DNAH3: variants seen among roughly 807,000 people sequenced by gnomAD.
DNAH3 encodes axonemal beta dynein heavy chain 3.
DNAH3 carries 332 observed loss-of-function variants against 432.5 expected under a neutral mutation model. The ratio of observed to expected loss-of-function variants is 0.77; its 90% CI spans 0.70 to 0.84. The LOEUF is 0.84. DNAH3 is among the 40% of genes least tolerant of loss of function. DNAH3 has a pLI of 0.00. For synonymous variants in DNAH3, 1,956 were observed against 1,900.2 expected (o/e 1.03, Z -0.76); for missense variants, 4,861 against 5,114.0 (o/e 0.95, Z 1.51).
chr16:21,139,069 C>T (rs903706701), intron 5 of DNAH3, among the ~76,000 whole-genome samples: 1 of 152,106 alleles, frequency 6.6e-6, no homozygotes, highest in African/African-American at 2.4e-5. Context: ...ACCCTAAACC[C>T]ACAAGACATT....
chr16:21,139,286 A>C (rs1224325215), intron 5 of DNAH3, among the ~76,000 whole-genome samples: 3 of 146,356 alleles, frequency 2.0e-5, no homozygotes, highest in Non-Finnish European at 4.5e-5. Flanking sequence ...TTCTCAAGAG[A>C]AGTTGGAAAA....
exon 25 of DNAH3, chr16:21,062,521 A>G (rs373122268): frequency 3.5e-5 from 56 of 1,614,108 alleles, no homozygotes; most frequent in Admixed American, 5.0e-5. Context: ...TGAATGGAAC[A>G]GTTTCTTTTT....
chr16:21,141,382 TGGA>T lies in DNAH3; in HGVS notation c.449-13_449-11del. 1 of 1,580,942 alleles carries T rather than the reference TGGA, an allele frequency of 6.3e-7. No individual in the cohort carries two copies. The highest frequency in any genetic ancestry group is 2.3e-5 in the East Asian group (1 of 43,942). On this transcript the variant is annotated splice_polypyrimidine_tract_variant and intron_variant, in intron 3 of 61. Coordinates refer to ENST00000261383, the Ensembl canonical transcript of DNAH3. Reference sequence around the variant, plus strand: ...GATGAGCTTCTATTTCCTGGAAGAATGGAGAAGAAAGACATCAGTGATGGGCAA... The same window carrying T: ...GATGAGCTTCTATTTCCTGGAAGAATGAAGAAAGACATCAGTGATGGGCAA...
At position 20,955,009 on chromosome 16, in the gene DNAH3, G is replaced by A. The variant is rs200313222; in HGVS notation, c.10875C>T (p.Leu3625=). ...CATTGGTCATTTTGATTCCATTCTG[G>A]AGAATGCTGACTGGAAACTTCTCTG... is the stretch of plus-strand genomic sequence containing the variant. The change falls in exon 55 of 62, where the codon CTC becomes CTT. Residue 3625 remains leucine (L), a synonymous_variant. Coordinates refer to ENST00000261383, the Ensembl canonical transcript of DNAH3. 273 of 1,613,860 alleles carry A rather than the reference G, an allele frequency of 1.7e-4. 1 individual carries two copies. The East Asian group carries it at 5.5e-3, about 33-fold the overall frequency.
chr16:21,042,072 C>T, exon 32 of DNAH3: 1 of 1,613,958 alleles, frequency 6.2e-7, no homozygotes, highest in Non-Finnish European at 8.5e-7. Context: ...ACCCGGGGTT[C>T]ATGGTGATGA....
intron 32 of DNAH3, among the ~76,000 whole-genome samples, 165 bp from the exon 33 acceptor site, chr16:21,040,108 G>A (rs546065467): frequency 3.9e-5 from 6 of 152,266 alleles, no homozygotes; most frequent in East Asian, 1.9e-4. Flanking sequence ...GACCATCCTC[G>A]GTGGGCCAAT....
At chr16:21,051,176 T>C (rs1267890479) in intron 29 of DNAH3, among the ~76,000 whole-genome samples, 1 of 152,156 alleles carries the variant, frequency 6.6e-6, no homozygotes, top group African/African-American at 2.4e-5. Flanking sequence ...AAAGAACATC[T>C]AAACATCACA....
chr16:21,113,679 A>C (rs1219840851), intron 12 of DNAH3, among the ~76,000 whole-genome samples: 1 of 152,116 alleles, frequency 6.6e-6, no homozygotes, highest in East Asian at 1.9e-4. Context: ...GGCTGCTCTC[A>C]AATTCCTGGC....
intron 19 of DNAH3, 26 bp downstream of exon 19, chr16:21,086,823 G>C (rs2091390196): frequency 1.2e-6 from 2 of 1,604,852 alleles, no homozygotes; most frequent in African/African-American, 2.7e-5. Flanking sequence ...TGCGCTGCTT[G>C]GGGGCGGGCA....
At chr16:21,024,029 T>C (rs895874494) in intron 39 of DNAH3, among the ~76,000 whole-genome samples, 4 of 152,086 alleles carry the variant, frequency 2.6e-5, no homozygotes, top group African/African-American at 9.7e-5. Flanking sequence ...ACACCGCTAC[T>C]CCCTTCCTGC....
At position 21,113,870 on chromosome 16, in the gene DNAH3, T is replaced by C. The variant is rs574094463; in HGVS notation, c.1815-1772A>G. Among the ~76,000 whole-genome samples, 121 of 152,318 alleles carry C rather than the reference T, an allele frequency of 7.9e-4. No homozygotes were observed. In the South Asian group the frequency reaches 0.024, roughly 31 times the overall value. Reference sequence around the variant, plus strand: ...AATTAATGCTGTGCCTGACATACAATGAATGTGCTACAAATATTACGATAG... The same window carrying C: ...AATTAATGCTGTGCCTGACATACAACGAATGTGCTACAAATATTACGATAG... On this transcript the variant is annotated intron_variant, in intron 12 of 61. Transcript: ENST00000261383.
chr16:20,984,838 C>A (rs1307901422), intron 48 of DNAH3, among the ~76,000 whole-genome samples: 1 of 151,860 alleles, frequency 6.6e-6, no homozygotes, highest in African/African-American at 2.4e-5. Context: ...GCACTCCAGC[C>A]TGGGCAACAG....
At chr16:20,956,168 T>C (rs1319807119) in intron 54 of DNAH3, among the ~76,000 whole-genome samples, 2 of 152,102 alleles carry the variant, frequency 1.3e-5, no homozygotes, top group African/African-American at 4.8e-5. Flanking sequence ...CCTCAGGTGA[T>C]CCACCCACCT....
chr16:21,014,685 A>AT (rs58758970), intron 41 of DNAH3, among the ~76,000 whole-genome samples: 5 of 152,194 alleles, frequency 3.3e-5, no homozygotes, highest in African/African-American at 1.2e-4. Context: ...TATGTAAAAA[A>AT]TCCCAAAGAA....
rs1454658763 is a variant in DNAH3, at chr16:21,140,665, C to T, written c.567G>A (p.Lys189=). The T allele has an allele frequency of 2.5e-6, 4 of 1,614,088 alleles. 1 individual carries two copies. The highest frequency in any genetic ancestry group is 3.3e-4 in the Middle Eastern group (2 of 6,062). ...GGAACGTCAAAGATGTCTTTACCTC[C>T]TTCTTCATGGGTGAGAAGATTGACG... Residue 189 remains lysine (K), a synonymous_variant, in exon 5 of 62, where the codon AAG becomes AAA. Coordinates refer to ENST00000261383, the Ensembl canonical transcript of DNAH3.
intron 48 of DNAH3, 105 bp downstream of exon 48, chr16:20,984,944 T>A: frequency 9.8e-7 from 1 of 1,024,606 alleles, no homozygotes; most frequent in Non-Finnish European, 1.4e-6. Context: ...GTGCGTTGGC[T>A]GAATCAACCC....
exon 9 of DNAH3, chr16:21,125,336 G>T: frequency 1.9e-6 from 3 of 1,611,050 alleles, no homozygotes; most frequent in Non-Finnish European, 1.7e-6. Context: ...TGCTCCTTCC[G>T]TGAGGTAAAA....
At chr16:21,033,786 A>G (rs1262045052) in intron 36 of DNAH3, among the ~76,000 whole-genome samples, 188 bp downstream of exon 36, 1 of 152,144 alleles carries the variant, frequency 6.6e-6, no homozygotes, top group Non-Finnish European at 1.5e-5. Flanking sequence ...ATCCCTTGTT[A>G]TTATAGAAGC....
chr16:21,123,477 C>T (rs1024789942), intron 9 of DNAH3, among the ~76,000 whole-genome samples: 1 of 152,160 alleles, frequency 6.6e-6, no homozygotes, highest in Admixed American at 6.5e-5. Flanking sequence ...TTGGCTTCCA[C>T]CCCTGGGTTT....
Sources: gnomAD v4.1 joint callset for allele counts (sites outside exome capture counted in the v4.1 genomes callset) on GRCh38, gnomAD v4.1.1 for gene constraint, MANE v1.5 for transcripts, NCBI Gene and HGNC (gene_info 2026-07-23, HGNC 2026-07-21) for gene names.